PPARGC1A: variants seen among roughly 807,000 people sequenced by gnomAD.
PPARGC1A encodes the protein peroxisome proliferator-activated receptor gamma coactivator 1-alpha.
PPARGC1A carries 25 observed loss-of-function variants against 88.7 expected under a neutral mutation model. The observed-to-expected ratio is 0.28, with a 90% CI of 0.21 to 0.39. PPARGC1A has a LOEUF of 0.39. Among genes scored for constraint, PPARGC1A ranks in the 10% least tolerant of loss-of-function variants. The pLI is 1.00. For synonymous variants in PPARGC1A, 363 were observed against 355.6 expected (o/e 1.02, Z -0.24); for missense variants, 880 against 968.7 (o/e 0.91, Z 1.22).
At chr4:24,004,013 T>A in the PPARGC1A span, among the ~76,000 whole-genome samples, 13 of 152,244 alleles carry the variant, frequency 8.5e-5, 1 homozygote, top group South Asian at 2.7e-3. Context: ...TTTCAAAGAA[T>A]GTTAAAATTT....
chr4:24,386,262 A>G, the PPARGC1A span, among the ~76,000 whole-genome samples: 2 of 152,192 alleles, frequency 1.3e-5, no homozygotes, highest in African/African-American at 2.4e-5. Flanking sequence ...AGAACTATTT[A>G]TGACAAACCC....
the PPARGC1A span, among the ~76,000 whole-genome samples, chr4:24,399,972 G>C: frequency 5.9e-5 from 9 of 151,874 alleles, no homozygotes; most frequent in Admixed American, 2.0e-4. Flanking sequence ...TTTTAGTGGA[G>C]ACAGGGTTTC....
the PPARGC1A span, among the ~76,000 whole-genome samples, chr4:24,200,481 A>C: frequency 8.6e-5 from 13 of 152,032 alleles, no homozygotes; most frequent in African/African-American, 3.1e-4. Flanking sequence ...ACTGTACTCC[A>C]GCCTGGGCAA....
At chr4:24,449,950 G>C in the PPARGC1A span, among the ~76,000 whole-genome samples, 14 of 152,042 alleles carry the variant, frequency 9.2e-5, 1 homozygote, top group South Asian at 1.9e-3. Context: ...TTTCCATTTT[G>C]TGTGCAAATC....
chr4:24,052,942 C>T, the PPARGC1A span, among the ~76,000 whole-genome samples: 2 of 133,248 alleles, frequency 1.5e-5, no homozygotes, highest in Admixed American at 8.4e-5. Flanking sequence ...TGGCTCACTG[C>T]AAGCTCCACC....
At chr4:23,967,273 A>G in the PPARGC1A span, among the ~76,000 whole-genome samples, 1 of 152,166 alleles carries the variant, frequency 6.6e-6, no homozygotes, top group African/African-American at 2.4e-5. Flanking sequence ...ATGACAATCC[A>G]CCACAGAAAA....
chr4:24,460,604 C>T, the PPARGC1A span, among the ~76,000 whole-genome samples: 6 of 152,244 alleles, frequency 3.9e-5, no homozygotes, highest in South Asian at 8.3e-4. Flanking sequence ...GCAATAAGTC[C>T]TATTTTCTGA....
the PPARGC1A span, among the ~76,000 whole-genome samples, chr4:24,468,734 T>G: frequency 6.6e-6 from 1 of 152,216 alleles, no homozygotes; most frequent in Non-Finnish European, 1.5e-5. Context: ...TTGTTTCCAA[T>G]TTTCCAGGTC....
intron 2 of PPARGC1A, among the ~76,000 whole-genome samples, chr4:23,846,518 T>C (rs1236456542): frequency 6.6e-6 from 1 of 152,212 alleles, no homozygotes; most frequent in Non-Finnish European, 1.5e-5. Flanking sequence ...TGTAAATATA[T>C]TACAATTCAT....
the PPARGC1A span, among the ~76,000 whole-genome samples, chr4:24,025,619 C>T: frequency 1.3e-5 from 2 of 151,504 alleles, no homozygotes; most frequent in Non-Finnish European, 3.0e-5. Context: ...CACCCCCTCA[C>T]AGATGGGTAT....
In PPARGC1A at chr4:23,816,706, C is replaced by T. The variant is rs567888081; in HGVS notation, c.878-2101G>A. On this transcript the variant is annotated intron_variant, in intron 7 of 12. Coordinates refer to ENST00000264867, the MANE Select transcript of PPARGC1A (RefSeq NM_013261.5). ...CATTCAACATCCTCATATCCAACTC[C>T]GTAAATCTTTGCATGATCACCCCAA... 7.6e-4 allele frequency among the ~76,000 whole-genome samples: 115 copies of T among 152,260 alleles called. 1 individual carries two copies. The South Asian group carries it at 0.021, about 27-fold the overall frequency.
At chr4:23,957,121 C>T in the PPARGC1A span, among the ~76,000 whole-genome samples, 1 of 152,062 alleles carries the variant, frequency 6.6e-6, no homozygotes, top group Non-Finnish European at 1.5e-5. Flanking sequence ...GCTTCAGAGA[C>T]AGGCCATGTC....
chr4:24,263,752 T>C, the PPARGC1A span, among the ~76,000 whole-genome samples: 3 of 152,144 alleles, frequency 2.0e-5, no homozygotes, highest in Non-Finnish European at 4.4e-5. Context: ...CTCTTCCTTA[T>C]GATTTTTATT....
intron 2 of PPARGC1A, among the ~76,000 whole-genome samples, chr4:23,836,793 G>C (rs1311799854): frequency 1.3e-5 from 2 of 152,122 alleles, no homozygotes; most frequent in East Asian, 1.9e-4. Context: ...GTTGGCAAAA[G>C]GATCTTCCAA....
chr4:24,150,421 C>T, the PPARGC1A span, among the ~76,000 whole-genome samples: 1 of 152,146 alleles, frequency 6.6e-6, no homozygotes, highest in Non-Finnish European at 1.5e-5. Context: ...AAGAATGAGA[C>T]CTCTTGCTTT....
At chr4:24,287,186 A>G in the PPARGC1A span, among the ~76,000 whole-genome samples, 10 of 148,476 alleles carry the variant, frequency 6.7e-5, no homozygotes, top group Non-Finnish European at 3.0e-5. Context: ...CAGTATTACC[A>G]CCACCAGCCC....
chr4:23,995,679 A>T, the PPARGC1A span, among the ~76,000 whole-genome samples: 2 of 152,090 alleles, frequency 1.3e-5, no homozygotes, highest in African/African-American at 2.4e-5. Context: ...AGTTCTCAAG[A>T]TTTAGCTAAA....
chr4:24,220,111 A>C, the PPARGC1A span, among the ~76,000 whole-genome samples: 1 of 152,200 alleles, frequency 6.6e-6, no homozygotes, highest in Non-Finnish European at 1.5e-5. Flanking sequence ...CAGCCAACAA[A>C]CATGAAAAAA....
the PPARGC1A span, among the ~76,000 whole-genome samples, chr4:24,399,396 C>T: frequency 1.3e-5 from 2 of 152,152 alleles, no homozygotes; most frequent in Non-Finnish European, 2.9e-5. Context: ...GAACCTATCC[C>T]TACACAATGG....
Sources: gnomAD v4.1 joint callset for allele counts (sites outside exome capture counted in the v4.1 genomes callset) on GRCh38, gnomAD v4.1.1 for gene constraint, MANE v1.5 for transcripts, NCBI Gene and HGNC (gene_info 2026-07-23, HGNC 2026-07-21) for gene names.